PTDSS1: variants seen among roughly 807,000 people sequenced by gnomAD.
The protein encoded by PTDSS1 is PSS-1.
Under a neutral mutation model 70.5 loss-of-function variants are expected in PTDSS1, and 45 were observed. That is an observed-to-expected ratio of 0.64 (90% CI 0.50 to 0.82). The LOEUF is 0.82. Ranked by LOEUF, PTDSS1 falls within the 40% of genes least tolerant of loss-of-function variation. The pLI is 0.00. For synonymous variants in PTDSS1, 188 were observed against 203.8 expected (o/e 0.92, Z 0.66); for missense variants, 417 against 586.1 (o/e 0.71, Z 2.98).
intron 3 of PTDSS1, among the ~76,000 whole-genome samples, chr8:96,286,440 G>T (rs1055828497): frequency 6.6e-6 from 1 of 152,130 alleles, no homozygotes. Context: ...TCTCAAAAAA[G>T]TGGCCCTGGG....
At chr8:96,323,623 GAGGGCTCCCC>G (rs1250498063) in intron 10 of PTDSS1, among the ~76,000 whole-genome samples, 5 of 152,186 alleles carry the variant, frequency 3.3e-5, no homozygotes, top group African/African-American at 7.2e-5. Flanking sequence ...TGAGCCCGTG[GAGGGCTCCCC>G]AGGCCTGTAA....
intron 10 of PTDSS1, among the ~76,000 whole-genome samples, chr8:96,329,921 A>G (rs972810830): frequency 6.6e-6 from 1 of 152,170 alleles, no homozygotes; most frequent in East Asian, 1.9e-4. Context: ...AGAACCCGCA[A>G]AGCTATCAAG....
intron 1 of PTDSS1, 138 bp from the exon 2 acceptor site, chr8:96,273,161 C>G (rs1417423227): frequency 8.1e-6 from 5 of 613,652 alleles, no homozygotes; most frequent in African/African-American, 1.9e-5. Flanking sequence ...CTGTATAAAT[C>G]TCTTATTTCA....
intron 2 of PTDSS1, among the ~76,000 whole-genome samples, chr8:96,282,347 T>C (rs1455164288): frequency 6.6e-6 from 1 of 152,194 alleles, no homozygotes; most frequent in East Asian, 1.9e-4. Context: ...TGGCGGGGGA[T>C]CCTGGTTTAT....
intron 1 of PTDSS1, among the ~76,000 whole-genome samples, chr8:96,269,527 G>A (rs1400986838): frequency 6.6e-6 from 1 of 152,138 alleles, no homozygotes; most frequent in Non-Finnish European, 1.5e-5. Flanking sequence ...TGTCTTAGTT[G>A]AGCAAGTACC....
chr8:96,328,969 T>C (rs1212052542), intron 10 of PTDSS1, among the ~76,000 whole-genome samples: 1 of 151,186 alleles, frequency 6.6e-6, no homozygotes, highest in Non-Finnish European at 1.5e-5. Context: ...GATCCGGGGG[T>C]TTCAAGAGAT....
intron 4 of PTDSS1, 130 bp downstream of exon 4, chr8:96,287,276 TG>T: frequency 1.5e-6 from 2 of 1,295,070 alleles, no homozygotes; most frequent in Non-Finnish European, 2.1e-6. Flanking sequence ...ACCAGGTCTC[TG>T]GGAGGGTTGT....
intron 2 of PTDSS1, among the ~76,000 whole-genome samples, chr8:96,277,548 G>T (rs955209118): frequency 1.3e-5 from 2 of 152,244 alleles, no homozygotes; most frequent in African/African-American, 2.4e-5. Context: ...TAGGAAAAAT[G>T]GAGCCCAAAC....
chr8:96,305,599 T>C (rs1287507574), intron 7 of PTDSS1, among the ~76,000 whole-genome samples: 1 of 152,234 alleles, frequency 6.6e-6, no homozygotes, highest in East Asian at 1.9e-4. Context: ...TTTTAAGGAC[T>C]GCCTTTGGTA....
intron 6 of PTDSS1, among the ~76,000 whole-genome samples, chr8:96,301,687 T>C (rs1811053046): frequency 6.6e-6 from 1 of 151,752 alleles, no homozygotes; most frequent in Non-Finnish European, 1.5e-5. Flanking sequence ...ACTTTTTTTT[T>C]TGTATTTTAG....
intron 6 of PTDSS1, among the ~76,000 whole-genome samples, chr8:96,300,127 G>A (rs1387509877): frequency 2.0e-5 from 3 of 151,784 alleles, no homozygotes; most frequent in Non-Finnish European, 2.9e-5. Flanking sequence ...TTTTTATCCC[G>A]ACTGCCTCAG....
intron 4 of PTDSS1, among the ~76,000 whole-genome samples, chr8:96,293,316 G>A (rs773491445): frequency 6.6e-5 from 10 of 152,272 alleles, no homozygotes; most frequent in African/African-American, 2.2e-4. Context: ...AAAGTGAATA[G>A]GACTTGGTAT....
At chr8:96,275,123 G>T (rs1810621598) in intron 2 of PTDSS1, among the ~76,000 whole-genome samples, 1 of 152,098 alleles carries the variant, frequency 6.6e-6, no homozygotes, top group Non-Finnish European at 1.5e-5. Flanking sequence ...AAGGGGTGTT[G>T]ACCCTGCTAT....
At position 96,273,348 on chromosome 8, in the gene PTDSS1, A is replaced by G; in HGVS notation, c.229A>G (p.Ile77Val). Residue 77 changes from isoleucine (I) to valine (V), a missense_variant, in exon 2 of 13, where the codon ATT (isoleucine) becomes GTT (valine). Coordinates refer to ENST00000517309, the MANE Select transcript of PTDSS1 (RefSeq NM_014754.3). ...DNIWRGILSV[I>V]FFFLIISVLA... is the part of the protein sequence containing the mutation. ...CATCTGGAGAGGCATCCTCTCTGTT[A>G]TTTTCTTCTTTCTTATCATCAGTGT... The G allele has an allele frequency of 6.2e-7, 1 of 1,612,142 alleles. No homozygotes were observed. Among genetic ancestry groups the G allele is most frequent in the Non-Finnish European group, 8.5e-7 (1 of 1,179,392 alleles).
At chr8:96,319,722 C>T (rs1260177406) in intron 9 of PTDSS1, among the ~76,000 whole-genome samples, 1 of 152,142 alleles carries the variant, frequency 6.6e-6, no homozygotes, top group Admixed American at 6.5e-5. Flanking sequence ...GACTTCAGAA[C>T]TACAGTGAAA....
At chr8:96,294,679 C>T (rs1034675222) in intron 4 of PTDSS1, among the ~76,000 whole-genome samples, 1 of 151,946 alleles carries the variant, frequency 6.6e-6, no homozygotes, top group Non-Finnish European at 1.5e-5. Context: ...AAAAAAAATT[C>T]CTATTATGAT....
chr8:96,320,387 C>T (rs748337711), intron 10 of PTDSS1, 42 bp downstream of exon 10: 5 of 1,493,428 alleles, frequency 3.3e-6, no homozygotes, highest in South Asian at 1.1e-5. Context: ...GCTAAACTCT[C>T]ATAGTATCAC....
chr8:96,281,031 G>A (rs1810727925), intron 2 of PTDSS1, among the ~76,000 whole-genome samples: 1 of 152,106 alleles, frequency 6.6e-6, no homozygotes, highest in Non-Finnish European at 1.5e-5. Context: ...TGTGGAATGC[G>A]GGGCTCCTCC....
chr8:96,317,033 C>A (rs201459898), intron 9 of PTDSS1, among the ~76,000 whole-genome samples: 1 of 150,044 alleles, frequency 6.7e-6, no homozygotes, highest in Non-Finnish European at 1.5e-5. Context: ...ATATATGTGT[C>A]TATATATATG....
Sources: allele counts gnomAD v4.1 joint callset (sites outside exome capture counted in the v4.1 genomes callset), GRCh38; gene constraint gnomAD v4.1.1; transcripts MANE v1.5; gene names NCBI Gene and HGNC (gene_info 2026-07-23, HGNC 2026-07-21).